The following ANKRD61 variants were observed in gnomAD, a reference collection of about 807,000 sequenced individuals.
The protein encoded by ANKRD61 is ankyrin repeat domain 61.
In ANKRD61, 7 loss-of-function variants were observed where a neutral mutation model predicts 8.4. The observed-to-expected ratio is 0.84, with a 90% CI of 0.48 to 1.57. The LOEUF is 1.57. ANKRD61 is among the 40% of genes most tolerant of loss of function. The pLI is 0.00. For synonymous variants in ANKRD61, 198 were observed against 208.0 expected, an observed-to-expected ratio of 0.95 and a Z score of 0.41; for missense variants, 516 against 523.4, an observed-to-expected ratio of 0.99 and a Z score of 0.14.
At position 6,033,310 on chromosome 7, in the gene ANKRD61, G is replaced by C. The variant is rs1163000760; in HGVS notation, c.314+374G>C. ...TCTAAGTGAGGATATACCTGATATA[G>C]ATTTTTTTTTCAGTTCATACATTTT... On this transcript the variant is annotated intron_variant, in intron 2 of 2. Coordinates refer to ENST00000409061, the MANE Select transcript of ANKRD61 (RefSeq NM_001271700.2). This position sits in a 1 kb window ranked among gnomAD's most constrained non-coding sequence, Gnocchi z 4.4. Among the ~76,000 whole-genome samples, 2 of 152,120 alleles carry C rather than the reference G, an allele frequency of 1.3e-5. No homozygotes were observed. The highest frequency in any genetic ancestry group is 2.9e-5 in the Non-Finnish European group (2 of 68,028).
rs1298137075 is a variant in ANKRD61 at position 6,035,361 on chromosome 7, A to T, written c.315-83A>T. The T allele has an allele frequency of 7.9e-7, 1 of 1,266,402 alleles. No individual in the cohort carries two copies. Among genetic ancestry groups the T allele is most frequent in the African/African-American group, 1.5e-5 (1 of 66,406 alleles). 78.4% of individuals were successfully genotyped at this position (1,266,402 alleles called of 1,614,324 possible). ...TTGAAGGGTCTTACTTTAAATAAAT[A>T]CTGGCTTCTTAAGCATTAACTGTCC... is the stretch of plus-strand genomic sequence containing the variant. On this transcript the variant is annotated intron_variant, in intron 2 of 2. Coordinates refer to ENST00000409061, the MANE Select transcript of ANKRD61 (RefSeq NM_001271700.2). The surrounding 1 kb of genome is among the most constrained non-coding windows in gnomAD (Gnocchi z 5.5).
At position 6,033,360 on chromosome 7, in the gene ANKRD61, G is replaced by A. The variant is rs972567804; in HGVS notation, c.314+424G>A. Among the ~76,000 whole-genome samples, 3 of 151,990 alleles carry A rather than the reference G, an allele frequency of 2.0e-5. No individual in the cohort carries two copies. The highest frequency in any genetic ancestry group is 2.9e-5 in the Non-Finnish European group (2 of 67,974). On this transcript the variant is annotated intron_variant, in intron 2 of 2. Coordinates refer to ENST00000409061, the MANE Select transcript of ANKRD61 (RefSeq NM_001271700.2). The surrounding 1 kb of genome is among the most constrained non-coding windows in gnomAD (Gnocchi z 4.4). ...TTTCCACTTATGTTTGGACTTGTTC[G>A]TTCTTATGAATGAACCAATGTCTTT...
rs1196017332 is a variant in ANKRD61, at chr7:6,033,991, T to C, written c.314+1055T>C. Among the ~76,000 whole-genome samples, 1 of 151,962 alleles carries C rather than the reference T, an allele frequency of 6.6e-6. No individual in the cohort carries two copies. The highest frequency in any genetic ancestry group is 1.5e-5 in the Non-Finnish European group (1 of 68,026). ...AAATCAATGCCTGACACTTAGCACG[T>C]GCTCAGTAATACTATCCGAGTGAAT... On this transcript the variant is annotated intron_variant, in intron 2 of 2. Transcript: ENST00000409061. The surrounding 1 kb of genome is among the most constrained non-coding windows in gnomAD (Gnocchi z 4.4).
At position 6,033,989 on chromosome 7, in the gene ANKRD61, C is replaced by T. The variant is rs111944894; in HGVS notation, c.314+1053C>T. Among the ~76,000 whole-genome samples, 330 of 152,026 alleles carry T rather than the reference C, an allele frequency of 2.2e-3. No individual in the cohort carries two copies. The highest frequency in any genetic ancestry group is 3.7e-3 in the Non-Finnish European group (254 of 68,000). ...CCAAATCAATGCCTGACACTTAGCA[C>T]GTGCTCAGTAATACTATCCGAGTGA... On this transcript the variant is annotated intron_variant, in intron 2 of 2. Coordinates refer to ENST00000409061, the MANE Select transcript of ANKRD61 (RefSeq NM_001271700.2). The surrounding 1 kb of genome is among the most constrained non-coding windows in gnomAD (Gnocchi z 4.4).
In ANKRD61 at chr7:6,031,515, T is replaced by G. The variant is rs968090680; in HGVS notation, c.140T>G (p.Leu47Arg). 36 of 1,550,480 alleles carry G rather than the reference T, an allele frequency of 2.3e-5. No individual in the cohort carries two copies. The Admixed American group carries it at 4.7e-4, about 20-fold the overall frequency. Reference sequence around the variant, plus strand: ...GAAGACTGCACTACGATCGAGGTACTCCTGAGAAATCACCCTGTCAACCAG... The same window carrying G: ...GAAGACTGCACTACGATCGAGGTACGCCTGAGAAATCACCCTGTCAACCAG... ...MREDCTTIEV[L>R]LRNHPVNQPI... Residue 47 changes from leucine (L) to arginine (R), a missense_variant, in exon 1 of 3, where the codon CTC becomes CGC. Physicochemically the swap from Leu to Arg is moderately radical, Grantham distance 102. Coordinates refer to ENST00000409061, the MANE Select transcript of ANKRD61 (RefSeq NM_001271700.2).
In ANKRD61 at chr7:6,031,573, C is replaced by T. The variant is rs1229508032; in HGVS notation, c.198C>T (p.Asn66=). ...PITILPNSAS[N]RLLLTQPTES... is the part of the protein sequence containing the mutation. Reference sequence around the variant, plus strand: ...CCATTCTGCCCAACTCCGCCAGCAACAGATTACTTCTGACCCAGGTACCCT... The same window carrying T: ...CCATTCTGCCCAACTCCGCCAGCAATAGATTACTTCTGACCCAGGTACCCT... Residue 66 remains asparagine (N), a synonymous_variant, in exon 1 of 3, where the codon AAC becomes AAT. Transcript: ENST00000409061. 22 of 1,550,690 alleles carry T rather than the reference C, an allele frequency of 1.4e-5. No individual in the cohort carries two copies. Among genetic ancestry groups the T allele is most frequent in the Admixed American group, 3.9e-5 (2 of 50,966 alleles).
In ANKRD61 at chr7:6,035,338, G is replaced by A. The variant is rs1378434572; in HGVS notation, c.315-106G>A. 2.7e-6 allele frequency: 3 copies of A among 1,092,072 alleles called. No individual in the cohort carries two copies. The highest frequency in any genetic ancestry group is 1.3e-6 in the Non-Finnish European group (1 of 772,470). 67.6% of individuals were successfully genotyped at this position (1,092,072 alleles called of 1,614,324 possible). ...TTTGAAACACGTCCTTAAGGTAATTGAAGGGTCTTACTTTAAATAAATACT... is the reference window on the plus strand; with the variant it reads ...TTTGAAACACGTCCTTAAGGTAATTAAAGGGTCTTACTTTAAATAAATACT... On this transcript the variant is annotated intron_variant, in intron 2 of 2. Coordinates refer to ENST00000409061, the MANE Select transcript of ANKRD61 (RefSeq NM_001271700.2). This position sits in a 1 kb window ranked among gnomAD's most constrained non-coding sequence, Gnocchi z 5.5.
Position 6,033,539 on chromosome 7 carries a change from C to G in ANKRD61, c.314+603C>G, listed in dbSNP as rs776926893. On this transcript the variant is annotated intron_variant, in intron 2 of 2. Coordinates refer to ENST00000409061, the MANE Select transcript of ANKRD61 (RefSeq NM_001271700.2). This position sits in a 1 kb window ranked among gnomAD's most constrained non-coding sequence, Gnocchi z 4.4. Reference sequence around the variant, plus strand: ...CCATGGCCTTCAATAAGTTTAACCACCAAAGTTAGGTGTGAAAAATAAAAT... The same window carrying G: ...CCATGGCCTTCAATAAGTTTAACCAGCAAAGTTAGGTGTGAAAAATAAAAT... Among the ~76,000 whole-genome samples the G allele has an allele frequency of 1.6e-4, 25 of 152,054 alleles. No homozygotes were observed. The highest frequency in any genetic ancestry group is 3.4e-4 in the Non-Finnish European group (23 of 68,020).
In ANKRD61 at chr7:6,032,941, G is replaced by A; in HGVS notation, c.314+5G>A. 6.5e-7 allele frequency: 1 copy of A among 1,547,152 alleles called. No homozygotes were observed. The highest frequency in any genetic ancestry group is 8.7e-7 in the Non-Finnish European group (1 of 1,144,034). ...CGGTGCTGACCCAGAAGTCAGGTAA[G>A]TTAACTCCACCGAAAATCATTTCTT... On this transcript the variant is annotated splice_donor_5th_base_variant and intron_variant, in intron 2 of 2. Coordinates refer to ENST00000409061, the MANE Select transcript of ANKRD61 (RefSeq NM_001271700.2). The surrounding 1 kb of genome is among the most constrained non-coding windows in gnomAD (Gnocchi z 4.3).
At position 6,036,444 on chromosome 7, in the gene ANKRD61, T is replaced by A; in HGVS notation, c.*58T>A. The A allele has an allele frequency of 7.9e-7, 1 of 1,264,960 alleles. No individual in the cohort carries two copies. Among genetic ancestry groups the A allele is most frequent in the East Asian group, 2.6e-5 (1 of 38,956 alleles). The allele number at this position is 1,264,960 out of a possible 1,614,324, so 78.4% of individuals were successfully genotyped here. Reference sequence around the variant, plus strand: ...TTTCAGCCACTCAAACTGCATTTTCTGGCTAGACATGTCCCAGAAAATGCT... The same window carrying A: ...TTTCAGCCACTCAAACTGCATTTTCAGGCTAGACATGTCCCAGAAAATGCT... On this transcript the variant is annotated 3_prime_UTR_variant, in exon 3 of 3. Transcript: ENST00000409061. The surrounding 1 kb of genome is among the most constrained non-coding windows in gnomAD (Gnocchi z 4.6).
In ANKRD61 at chr7:6,033,849, GTGAGCC is replaced by G. The variant is rs1787986321; in HGVS notation, c.314+914_314+919del. 6.6e-6 allele frequency among the ~76,000 whole-genome samples: 1 copy of G among 151,872 alleles called. No individual in the cohort carries two copies. On this transcript the variant is annotated intron_variant, in intron 2 of 2. Coordinates refer to ENST00000409061, the MANE Select transcript of ANKRD61 (RefSeq NM_001271700.2). The surrounding 1 kb of genome is among the most constrained non-coding windows in gnomAD (Gnocchi z 4.4). ...CTCCCAAAGTGCTGGGATTACAGGC[GTGAGCC>G]GCCGTGCCTGGCCGACAATGGATTT...
chr7:6,035,749 T>A lies in ANKRD61; in HGVS notation c.620T>A (p.Met207Lys). 6.4e-7 allele frequency: 1 copy of A among 1,551,078 alleles called. No individual in the cohort carries two copies. Reference protein sequence around the residue: ...INEASMTPLHMAANMLNKEMM... With the variant: ...INEASMTPLHKAANMLNKEMM... ...GAAGCCAGCATGACACCCCTTCACA[T>A]GGCCGCAAACATGCTGAATAAGGAG... Residue 207 changes from methionine to lysine, a missense_variant, in exon 3 of 3, where the codon ATG (methionine) becomes AAG (lysine). Met to Lys is a moderately conservative substitution (Grantham distance 95). Coordinates refer to ENST00000409061, the MANE Select transcript of ANKRD61 (RefSeq NM_001271700.2). This position sits in a 1 kb window ranked among gnomAD's most constrained non-coding sequence, Gnocchi z 5.5.
At position 6,031,444 on chromosome 7, in the gene ANKRD61, C is replaced by T; in HGVS notation, c.69C>T (p.Gly23=). Residue 23 remains glycine, a synonymous_variant, in exon 1 of 3, where the codon GGC becomes GGT. Coordinates refer to ENST00000409061, the MANE Select transcript of ANKRD61 (RefSeq NM_001271700.2). ...ACAGTGCCAAGTCCCTGGAAGATGGCCCATCTGCAGCACTTCACTCGAAAC... is the reference window on the plus strand; with the variant it reads ...ACAGTGCCAAGTCCCTGGAAGATGGTCCATCTGCAGCACTTCACTCGAAAC... The part of the protein sequence containing the change: ...VVDSAKSLED[G]PSAALHSKLY... The T allele has an allele frequency of 1.3e-6, 2 of 1,550,744 alleles. No homozygotes were observed. Among genetic ancestry groups the T allele is most frequent in the African/African-American group, 1.4e-5 (1 of 73,146 alleles).
At chr7:6,031,734 T>A in intron 1 of ANKRD61, 143 bp downstream of exon 1, 1 of 787,874 alleles carries the variant, frequency 1.3e-6, no homozygotes. Flanking sequence ...CACACTGCAG[T>A]GCTCCCCAAA....
At position 6,035,594 on chromosome 7, in the gene ANKRD61, C is replaced by T. The variant is rs145095676; in HGVS notation, c.465C>T (p.His155=). The change falls in exon 3 of 3, where the codon CAC becomes CAT. Residue 155 remains histidine (H), a synonymous_variant. Coordinates refer to ENST00000409061, the MANE Select transcript of ANKRD61 (RefSeq NM_001271700.2). This position sits in a 1 kb window ranked among gnomAD's most constrained non-coding sequence, Gnocchi z 5.5. ...SITCLRILCA[H]GAQVNTQGEI... ...CATGTCTCCGCATCTTGTGTGCGCA[C>T]GGAGCTCAAGTGAACACTCAAGGGG... is the stretch of plus-strand genomic sequence containing the variant. The T allele has an allele frequency of 1.5e-5, 24 of 1,551,024 alleles. No individual in the cohort carries two copies. In the Middle Eastern group the frequency reaches 5.0e-4, roughly 32 times the overall value.
chr7:6,036,001 A>G lies in ANKRD61; in HGVS notation c.872A>G (p.Glu291Gly). 6.4e-7 allele frequency: 1 copy of G among 1,551,128 alleles called. No homozygotes were observed. The change falls in exon 3 of 3, where the codon GAG (glutamate) becomes GGG (glycine). Residue 291 changes from glutamate to glycine, a missense_variant. Coordinates refer to ENST00000409061, the MANE Select transcript of ANKRD61 (RefSeq NM_001271700.2). The surrounding 1 kb of genome is among the most constrained non-coding windows in gnomAD (Gnocchi z 4.6). ...CATGAGGCATGCTTTGGAGGCAGAGAGGCAATCATCAATCTCCTGCTTGAA... is the reference window on the plus strand; with the variant it reads ...CATGAGGCATGCTTTGGAGGCAGAGGGGCAATCATCAATCTCCTGCTTGAA... Reference protein sequence around the residue: ...AIHEACFGGREAIINLLLEFE... With the variant: ...AIHEACFGGRGAIINLLLEFE...
rs1298337715 is a variant in ANKRD61, at chr7:6,034,231, C to G, written c.315-1213C>G. The stretch of plus-strand genomic sequence containing the variant: ...CTGAGGCAGGAGAATCGCTTGAACC[C>G]GTGAGGCAGCAGTTGCAGTGAGCCA... On this transcript the variant is annotated intron_variant, in intron 2 of 2. Transcript: ENST00000409061. 2.6e-5 allele frequency among the ~76,000 whole-genome samples: 4 copies of G among 151,902 alleles called. No homozygotes were observed. In the South Asian group the frequency reaches 8.3e-4, roughly 32 times the overall value.
chr7:6,035,863 C>G lies in ANKRD61; in HGVS notation c.734C>G (p.Thr245Ser), dbSNP rs1056094282. Reference sequence around the variant, plus strand: ...ACGCCCCTGAAGCTTGCAGTGTGCACTGCATCAAGCAAAGCAGGCCGACTC... The same window carrying G: ...ACGCCCCTGAAGCTTGCAGTGTGCAGTGCATCAAGCAAAGCAGGCCGACTC... ...GNTPLKLAVC[T>S]ASSKAGRLLG... Residue 245 changes from threonine (T) to serine (S), a missense_variant, in exon 3 of 3, where the codon ACT becomes AGT. Coordinates refer to ENST00000409061, the MANE Select transcript of ANKRD61 (RefSeq NM_001271700.2). The surrounding 1 kb of genome is among the most constrained non-coding windows in gnomAD (Gnocchi z 5.5). 5 of 1,547,606 alleles carry G rather than the reference C, an allele frequency of 3.2e-6. No homozygotes were observed. The African/African-American group carries it at 5.5e-5, about 17-fold the overall frequency.
intron 2 of ANKRD61, among the ~76,000 whole-genome samples, chr7:6,034,483 AC>A (rs1788016403): frequency 6.6e-6 from 1 of 151,420 alleles, no homozygotes; most frequent in African/African-American, 2.4e-5. Flanking sequence ...TCCTTAGGGG[AC>A]CCTTTCCTAC....
Sources: gnomAD v4.1 joint callset for allele counts (sites outside exome capture counted in the v4.1 genomes callset) on GRCh38, gnomAD v4.1.1 for gene constraint, Gnocchi (gnomAD v3.1) non-coding constraint, MANE v1.5 for transcripts, NCBI Gene and HGNC (gene_info 2026-07-23, HGNC 2026-07-21) for gene names.